The following TRMT11 variants were observed in gnomAD, a reference collection of about 807,000 sequenced individuals.
TRMT11 encodes the protein tRNA (guanine(10)-N(2))-methyltransferase TRMT11.
In TRMT11, 53 loss-of-function variants were observed where a neutral mutation model predicts 62.8. That is an observed-to-expected ratio of 0.84 (90% CI 0.68 to 1.06). The LOEUF is 1.06. Among genes scored for constraint, TRMT11 ranks in the 50% least tolerant of loss-of-function variants. TRMT11 has a pLI of 0.00. For synonymous variants in TRMT11, 188 were observed against 190.3 expected (o/e 0.99, Z 0.10); for missense variants, 556 against 553.4 (o/e 1.00, Z -0.05).
At chr6:126,173,457 C>T (rs141680961), upstream of TRMT11, among the ~76,000 whole-genome samples, 503 of 152,164 alleles carry the variant, frequency 3.3e-3, 3 homozygotes, top group African/African-American at 0.012. Flanking sequence ...TTTGGAAGGT[C>T]GCTGATCTTA....
At chr6:126,109,868 T>C (rs2128186644) in intron 17 of TRMT11, among the ~76,000 whole-genome samples, 1 of 152,300 alleles carries the variant, frequency 6.6e-6, no homozygotes, top group East Asian at 1.9e-4. Context: ...AGGAACTTGG[T>C]ACTCTAACTC....
At chr6:126,044,192 A>G (rs1202969132), downstream of TRMT11, among the ~76,000 whole-genome samples, 1 of 152,094 alleles carries the variant, frequency 6.6e-6, no homozygotes, top group African/African-American at 2.4e-5. Context: ...TTTTAGGTCT[A>G]ACGTTTAAGT....
At position 125,993,919 on chromosome 6, in the gene TRMT11, G is replaced by A; in HGVS notation, c.138+97G>A. The stretch of plus-strand genomic sequence containing the variant: ...GCATATCTTAAATTTATATTTGTAT[G>A]GTTACTTGTATCTGTTTCAAGAGGC... On this transcript the variant is annotated intron_variant, in intron 2 of 12. Coordinates refer to ENST00000334379, the MANE Select transcript of TRMT11 (RefSeq NM_001031712.3). 3 of 677,706 alleles carry A rather than the reference G, an allele frequency of 4.4e-6. No homozygotes were observed. The South Asian group carries it at 7.6e-5, about 17-fold the overall frequency. The allele number at this position is 677,706 out of a possible 1,614,324, so 42.0% of individuals were successfully genotyped here.
At chr6:126,158,118 ATG>A (rs907379289) in intron 21 of TRMT11, among the ~76,000 whole-genome samples, 1 of 152,084 alleles carries the variant, frequency 6.6e-6, no homozygotes, top group African/African-American at 2.4e-5. Flanking sequence ...ACTTCCTTGT[ATG>A]TGTGTGTATG....
chr6:126,123,559 A>G (rs1777675024), intron 21 of TRMT11, among the ~76,000 whole-genome samples: 1 of 152,094 alleles, frequency 6.6e-6, no homozygotes, highest in African/African-American at 2.4e-5. Context: ...CATGTAAATA[A>G]ACATAAGAAC....
downstream of TRMT11, among the ~76,000 whole-genome samples, chr6:126,042,247 C>T (rs535366667): frequency 2.0e-5 from 3 of 152,270 alleles, no homozygotes; most frequent in South Asian, 6.2e-4. Context: ...AACTAGGGAA[C>T]CTGACCCCTT....
At chr6:126,218,944 G>A in the TRMT11 span, among the ~76,000 whole-genome samples, 4 of 152,284 alleles carry the variant, frequency 2.6e-5, no homozygotes, top group African/African-American at 9.6e-5. Flanking sequence ...CCAGGCACCA[G>A]CTGAGTTCTG....
chr6:126,156,174 T>C (rs1778118915), intron 21 of TRMT11, among the ~76,000 whole-genome samples: 1 of 152,212 alleles, frequency 6.6e-6, no homozygotes, highest in African/African-American at 2.4e-5. Flanking sequence ...CTGTTGCTGC[T>C]CTCACAGGTT....
At chr6:126,065,817 T>C (rs912175192) in intron 17 of TRMT11, among the ~76,000 whole-genome samples, 6 of 152,232 alleles carry the variant, frequency 3.9e-5, no homozygotes, top group African/African-American at 1.4e-4. Context: ...CAGACGAGAT[T>C]GGGAGCGTTG....
intron 9 of TRMT11, 130 bp from the exon 10 acceptor site, chr6:126,012,641 A>G: frequency 1.6e-6 from 1 of 613,198 alleles, no homozygotes; most frequent in Non-Finnish European, 2.9e-6. Flanking sequence ...GTACATTTTC[A>G]GTTGGATTTG....
At position 126,008,288 on chromosome 6, in the gene TRMT11, A is replaced by T. The variant is rs1252597622; in HGVS notation, c.680-104A>T. On this transcript the variant is annotated intron_variant, in intron 7 of 12. Transcript: ENST00000334379. ...ATGTTACGACCAATGTCATTCCAGGATACTCTGCCTGCAGCTAGTTTCTAA... is the reference window on the plus strand; with the variant it reads ...ATGTTACGACCAATGTCATTCCAGGTTACTCTGCCTGCAGCTAGTTTCTAA... 1.9e-5 allele frequency: 18 copies of T among 949,792 alleles called. No individual in the cohort carries two copies. The East Asian group carries it at 4.3e-4, about 23-fold the overall frequency. The allele number at this position is 949,792 out of a possible 1,614,324, so 58.8% of individuals were successfully genotyped here. A position where few individuals can be genotyped will look rare whatever the true frequency, so the allele number is the denominator to read the frequency against.
chr6:125,994,183 A>T (rs1009414125), intron 2 of TRMT11, among the ~76,000 whole-genome samples: 1 of 152,214 alleles, frequency 6.6e-6, no homozygotes, highest in African/African-American at 2.4e-5. Context: ...GCATTGTATA[A>T]GACTGAATTT....
At chr6:126,034,925 G>A (rs1182118465) in intron 12 of TRMT11, among the ~76,000 whole-genome samples, 3 of 152,090 alleles carry the variant, frequency 2.0e-5, no homozygotes, top group African/African-American at 4.8e-5. Context: ...CGCAGGGAAT[G>A]TGAATAGAGA....
intron 17 of TRMT11, among the ~76,000 whole-genome samples, chr6:126,084,363 T>C (rs1170153051): frequency 2.6e-5 from 4 of 152,186 alleles, no homozygotes; most frequent in African/African-American, 9.6e-5. Context: ...CACCTTTTCA[T>C]ACACCCATTG....
chr6:126,113,294 A>G (rs893051438), intron 18 of TRMT11, among the ~76,000 whole-genome samples: 2 of 152,046 alleles, frequency 1.3e-5, no homozygotes, highest in African/African-American at 4.8e-5. Context: ...TGGAGTCTCT[A>G]TGTGGATGAT....
intron 21 of TRMT11, among the ~76,000 whole-genome samples, chr6:126,157,480 C>G (rs191052076): frequency 1.9e-4 from 29 of 152,288 alleles, no homozygotes; most frequent in Admixed American, 1.4e-3. Context: ...TATTATAAAG[C>G]TGTAAACTGA....
intron 1 of TRMT11, among the ~76,000 whole-genome samples, chr6:126,192,950 T>A (rs1349442470): frequency 6.6e-6 from 1 of 152,222 alleles, no homozygotes; most frequent in Non-Finnish European, 1.5e-5. Flanking sequence ...TTGTAGAATG[T>A]GTTTGTGAGT....
intron 17 of TRMT11, among the ~76,000 whole-genome samples, chr6:126,053,711 C>T (rs1046794072): frequency 2.6e-5 from 4 of 152,212 alleles, no homozygotes; most frequent in Non-Finnish European, 5.9e-5. Context: ...GGTGTGTCCT[C>T]TCGAGAGCTT....
intron 21 of TRMT11, among the ~76,000 whole-genome samples, chr6:126,154,565 GC>G (rs1433320074): frequency 8.5e-5 from 13 of 152,100 alleles, no homozygotes; most frequent in African/African-American, 3.1e-4. Flanking sequence ...ATTTCTTCTA[GC>G]CCAGTAGCAA....
Sources: gnomAD v4.1 joint callset for allele counts (sites outside exome capture counted in the v4.1 genomes callset) on GRCh38, gnomAD v4.1.1 for gene constraint, MANE v1.5 for transcripts, NCBI Gene and HGNC (gene_info 2026-07-23, HGNC 2026-07-21) for gene names.